CDH11: variants seen among roughly 807,000 people sequenced by gnomAD.
The protein encoded by CDH11 is cadherin 11.
In CDH11, 11 loss-of-function variants were observed where a neutral mutation model predicts 67.8. The ratio of observed to expected loss-of-function variants is 0.16; its 90% CI spans 0.10 to 0.27. CDH11 has a LOEUF of 0.27. CDH11 is among the 10% of genes least tolerant of loss of function. CDH11 has a pLI of 1.00. For missense variants in CDH11, 847 were observed against 1,031.2 expected (o/e 0.82, Z 2.45); for synonymous variants, 419 against 400.0 (o/e 1.05, Z -0.57).
intron 1 of CDH11, among the ~76,000 whole-genome samples, chr16:65,104,488 T>C (rs920868779): frequency 1.3e-5 from 2 of 152,194 alleles, no homozygotes; most frequent in African/African-American, 4.8e-5. Flanking sequence ...CATTATGCAC[T>C]TGGCTTTTTG....
chr16:64,994,138 T>A (rs552555721), intron 4 of CDH11, among the ~76,000 whole-genome samples: 1 of 152,306 alleles, frequency 6.6e-6, no homozygotes, highest in Admixed American at 6.5e-5. Context: ...TATAGGATTG[T>A]CAGTGATTTT....
At chr16:65,091,483 T>C (rs2074791518) in intron 1 of CDH11, among the ~76,000 whole-genome samples, 1 of 152,186 alleles carries the variant, frequency 6.6e-6, no homozygotes, top group African/African-American at 2.4e-5. Context: ...ATATGTCTTC[T>C]GATTACTGTT....
At chr16:65,000,924 TTTG>T (rs1393953823) in intron 3 of CDH11, among the ~76,000 whole-genome samples, 1 of 130,578 alleles carries the variant, frequency 7.7e-6, no homozygotes, top group Non-Finnish European at 1.7e-5. Context: ...TTTTCATATT[TTTG>T]TTAAAATTGG....
At chr16:64,948,645 G>C (rs778045035) in intron 12 of CDH11, 3 of 1,612,080 alleles carry the variant, frequency 1.9e-6, no homozygotes, top group Non-Finnish European at 2.5e-6. Flanking sequence ...CCACCACATA[G>C]AGGAAAGGAA....
chr16:65,037,624 C>G (rs965802398), intron 2 of CDH11, among the ~76,000 whole-genome samples: 2 of 152,090 alleles, frequency 1.3e-5, no homozygotes, highest in African/African-American at 4.8e-5. Flanking sequence ...CCCTAACAAC[C>G]CTGCTAGAGT....
Position 64,993,436 on chromosome 16 carries a change from T to C in CDH11, c.524-402A>G, listed in dbSNP as rs74649226. Among the ~76,000 whole-genome samples the C allele has an allele frequency of 4.7e-3, 721 of 152,288 alleles. 6 individuals carry two copies. The highest frequency in any genetic ancestry group is 0.016 in the African/African-American group (677 of 41,542). The stretch of plus-strand genomic sequence containing the variant: ...AAATGATAATTAACGATAAATTGCT[T>C]TCAGGAAAGGACAGAGTGCAATCTT... On this transcript the variant is annotated intron_variant, in intron 4 of 12. Transcript: ENST00000268603.
At chr16:65,064,775 C>A (rs550503811) in intron 1 of CDH11, among the ~76,000 whole-genome samples, 1 of 152,008 alleles carries the variant, frequency 6.6e-6, no homozygotes, top group Non-Finnish European at 1.5e-5. Flanking sequence ...TAATTTTCTT[C>A]AAAAATATTT....
At chr16:64,977,948 C>T (rs1285127386) in intron 8 of CDH11, among the ~76,000 whole-genome samples, 2 of 152,202 alleles carry the variant, frequency 1.3e-5, no homozygotes, top group African/African-American at 2.4e-5. Context: ...CCCAACACCA[C>T]TTATAGTTGG....
At chr16:65,075,761 G>A (rs995181900) in intron 1 of CDH11, among the ~76,000 whole-genome samples, 5 of 152,162 alleles carry the variant, frequency 3.3e-5, no homozygotes, top group African/African-American at 1.2e-4. Context: ...AGACAATGTG[G>A]TATTGGATAC....
Position 64,945,134 on chromosome 16 carries a change from T to C in CDH11, c.*2469A>G, listed in dbSNP as rs1305750371. The stretch of plus-strand genomic sequence containing the variant: ...CCTTCTTTTAGCTGCATAGATGGTA[T>C]AAAACAGTGATTACTTTAGAATAAG... On this transcript the variant is annotated 3_prime_UTR_variant, in exon 13 of 13. Coordinates refer to ENST00000268603, the MANE Select transcript of CDH11 (RefSeq NM_001797.4). 5.0e-6 allele frequency: 1 copy of C among 201,456 alleles called. No homozygotes were observed. Among genetic ancestry groups the C allele is most frequent in the Non-Finnish European group, 1.0e-5 (1 of 98,270 alleles). 12.5% of individuals were successfully genotyped at this position (201,456 alleles called of 1,614,324 possible).
chr16:65,038,362 C>A (rs2073795403), intron 2 of CDH11, among the ~76,000 whole-genome samples: 1 of 152,114 alleles, frequency 6.6e-6, no homozygotes, highest in Non-Finnish European at 1.5e-5. Flanking sequence ...ATTTACAAAT[C>A]CTGAGTCGGA....
intron 7 of CDH11, chr16:64,984,620 C>T (rs1340619093): frequency 6.6e-5 from 10 of 152,098 alleles, no homozygotes; most frequent in Non-Finnish European, 1.2e-4. Context: ...AAACAATATT[C>T]AAAAATGCAT....
At chr16:65,004,533 T>G in intron 3 of CDH11, 109 bp downstream of exon 3, 10 of 1,110,830 alleles carry the variant, frequency 9.0e-6, no homozygotes, top group Non-Finnish European at 1.3e-5. Context: ...CTTCAAGCCA[T>G]TGGTGTTTTC....
At chr16:64,957,004 A>G (rs1034416700) in intron 11 of CDH11, among the ~76,000 whole-genome samples, 3 of 152,194 alleles carry the variant, frequency 2.0e-5, no homozygotes, top group African/African-American at 7.2e-5. Context: ...AAAAATTAAA[A>G]GCAGATCAAA....
intron 1 of CDH11, among the ~76,000 whole-genome samples, chr16:65,119,656 AG>A (rs1480436732): frequency 2.0e-5 from 3 of 152,100 alleles, no homozygotes; most frequent in Non-Finnish European, 4.4e-5. Context: ...CCCCTTTCCC[AG>A]GGGTGAGGAG....
chr16:65,008,205 A>G (rs944966846), intron 2 of CDH11, among the ~76,000 whole-genome samples: 2 of 152,246 alleles, frequency 1.3e-5, no homozygotes, highest in Non-Finnish European at 2.9e-5. Context: ...CTTTTATAAA[A>G]AATGTCTAGC....
chr16:65,051,455 T>C (rs1277939367), intron 2 of CDH11, among the ~76,000 whole-genome samples: 1 of 24,092 alleles, frequency 4.2e-5, no homozygotes, highest in Non-Finnish European at 8.0e-5. Flanking sequence ...ACAAGGACAG[T>C]GGTAAGACAC....
chr16:65,120,381 T>C (rs909799796), intron 1 of CDH11, among the ~76,000 whole-genome samples: 1 of 152,120 alleles, frequency 6.6e-6, no homozygotes, highest in Non-Finnish European at 1.5e-5. Flanking sequence ...GATGAGGAAA[T>C]TGATCCGTCC....
intron 11 of CDH11, among the ~76,000 whole-genome samples, chr16:64,966,520 C>G (rs1309854267): frequency 6.6e-6 from 1 of 151,464 alleles, no homozygotes; most frequent in East Asian, 1.9e-4. Flanking sequence ...AGTAAATAGA[C>G]AGAATGGGAA....
Sources: gnomAD v4.1 joint callset for allele counts (sites outside exome capture counted in the v4.1 genomes callset) on GRCh38, gnomAD v4.1.1 for gene constraint, MANE v1.5 for transcripts, NCBI Gene and HGNC (gene_info 2026-07-23, HGNC 2026-07-21) for gene names.